Variants in TACR3 observed in about 807,000 individuals in gnomAD.
TACR3 encodes tachykinin receptor 3.
Under a neutral mutation model 35.0 loss-of-function variants are expected in TACR3, and 34 were observed. That is an observed-to-expected ratio of 0.97 (90% CI 0.74 to 1.30). TACR3 has a LOEUF of 1.30. TACR3 is among the 50% of genes most tolerant of loss of function. The pLI is 0.00. For synonymous variants in TACR3, 233 were observed against 221.1 expected, an observed-to-expected ratio of 1.05 and a Z score of -0.48; for missense variants, 558 against 591.7, an observed-to-expected ratio of 0.94 and a Z score of 0.59.
At chr4:103,608,985 A>C (rs1724450760) in intron 3 of TACR3, among the ~76,000 whole-genome samples, 1 of 152,132 alleles carries the variant, frequency 6.6e-6, no homozygotes, top group African/African-American at 2.4e-5. Context: ...GTCATTAGCT[A>C]AATAGATGAG....
intron 3 of TACR3, among the ~76,000 whole-genome samples, chr4:103,648,640 G>A (rs1725511203): frequency 6.6e-6 from 1 of 152,058 alleles, no homozygotes. Context: ...TGGCTGAAAA[G>A]TACTCCATTG....
At chr4:103,626,483 G>A (rs928036491) in intron 3 of TACR3, among the ~76,000 whole-genome samples, 5 of 152,128 alleles carry the variant, frequency 3.3e-5, no homozygotes, top group Admixed American at 6.5e-5. Context: ...CCAGCTAAGG[G>A]CCTGGGGCAG....
intron 3 of TACR3, among the ~76,000 whole-genome samples, chr4:103,610,951 C>G (rs539574386): frequency 6.6e-6 from 1 of 152,004 alleles, no homozygotes; most frequent in East Asian, 1.9e-4. Flanking sequence ...GGATTTATTT[C>G]TGGGTTCTCT....
At chr4:103,683,230 G>GA (rs144438772) in intron 1 of TACR3, among the ~76,000 whole-genome samples, 3,051 of 151,950 alleles carry the variant, frequency 0.02, 100 homozygotes, top group African/African-American at 0.071. Context: ...TAAATTTACA[G>GA]AATTAAATGC....
intron 3 of TACR3, among the ~76,000 whole-genome samples, chr4:103,596,383 C>G (rs970350130): frequency 9.3e-4 from 141 of 151,742 alleles, no homozygotes; most frequent in Non-Finnish European, 1.6e-3. Flanking sequence ...TAAAAGTGTT[C>G]CTATTTCTCC....
At chr4:103,608,686 A>G (rs1242834453) in intron 3 of TACR3, among the ~76,000 whole-genome samples, 1 of 152,152 alleles carries the variant, frequency 6.6e-6, no homozygotes, top group Non-Finnish European at 1.5e-5. Flanking sequence ...GAATAAGCCT[A>G]TAGGTCGCCA....
intron 2 of TACR3, among the ~76,000 whole-genome samples, chr4:103,656,633 C>G (rs114347035): frequency 6.6e-6 from 1 of 151,966 alleles, no homozygotes; most frequent in Non-Finnish European, 1.5e-5. Flanking sequence ...TGAGGAGGAA[C>G]GACTTTCCAC....
At chr4:103,682,961 C>A (rs1722134529) in intron 1 of TACR3, among the ~76,000 whole-genome samples, 1 of 152,022 alleles carries the variant, frequency 6.6e-6, no homozygotes, top group Admixed American at 6.6e-5. Flanking sequence ...ATTCAATCAC[C>A]GAAGTGACAT....
chr4:103,616,314 G>GTGT (rs997468185), intron 3 of TACR3, among the ~76,000 whole-genome samples: 6 of 151,910 alleles, frequency 3.9e-5, no homozygotes, highest in African/African-American at 1.5e-4. Context: ...GTGTGTGTGT[G>GTGT]TGTGTTTGTG....
At chr4:103,664,363 A>G (rs78356850) in intron 1 of TACR3, among the ~76,000 whole-genome samples, 3,321 of 152,194 alleles carry the variant, frequency 0.022, 125 homozygotes, top group African/African-American at 0.076. Flanking sequence ...TGTTATTTGT[A>G]TCTATTATAA....
intron 1 of TACR3, among the ~76,000 whole-genome samples, chr4:103,707,243 G>C (rs1391610609): frequency 2.0e-5 from 3 of 152,176 alleles, no homozygotes; most frequent in Admixed American, 2.0e-4. Flanking sequence ...TTTACAGAGA[G>C]TGTAAACAAT....
chr4:103,710,955 C>A (rs1722939244), intron 1 of TACR3, among the ~76,000 whole-genome samples: 1 of 152,086 alleles, frequency 6.6e-6, no homozygotes, highest in Admixed American at 6.5e-5. Flanking sequence ...GAAGCTGAAT[C>A]CCTGAATATA....
intron 3 of TACR3, among the ~76,000 whole-genome samples, chr4:103,609,365 T>C (rs751921658): frequency 2.0e-5 from 3 of 152,154 alleles, no homozygotes; most frequent in Non-Finnish European, 2.9e-5. Context: ...TCTTGCTGTC[T>C]TCCCTCAATA....
chr4:103,684,308 A>C (rs1479879810), intron 1 of TACR3, among the ~76,000 whole-genome samples: 1 of 152,286 alleles, frequency 6.6e-6, no homozygotes, highest in South Asian at 2.1e-4. Context: ...GTCTATGTAG[A>C]TGATCCCAAT....
chr4:103,602,965 TTGTC>T (rs1724246915), intron 3 of TACR3, among the ~76,000 whole-genome samples: 1 of 152,204 alleles, frequency 6.6e-6, no homozygotes, highest in Non-Finnish European at 1.5e-5. Context: ...GTCTTTTTGT[TTGTC>T]TGTGCCCTAC....
chr4:103,589,832 G>T lies in TACR3; in HGVS notation c.1248C>A (p.Asn416Lys), dbSNP rs377383963. Residue 416 changes from asparagine (N) to lysine (K), a missense_variant, in exon 5 of 5, where the codon AAC (asparagine) becomes AAA (lysine). Transcript: ENST00000304883. ...MESMTVVFDP[N>K]DADTTRSSRK... ...GACTGGACCTGGTGGTGTCTGCATC[G>T]TTGGGGTCAAACACGACTGTCATGG... 1 of 1,613,896 alleles carries T rather than the reference G, an allele frequency of 6.2e-7. No homozygotes were observed. The highest frequency in any genetic ancestry group is 8.5e-7 in the Non-Finnish European group (1 of 1,179,838).
intron 1 of TACR3, among the ~76,000 whole-genome samples, chr4:103,680,197 A>G (rs1726260720): frequency 6.6e-6 from 1 of 151,742 alleles, no homozygotes; most frequent in Admixed American, 6.6e-5. Context: ...TACATAAACA[A>G]TAAAAAAAGC....
intron 1 of TACR3, among the ~76,000 whole-genome samples, chr4:103,699,149 G>A (rs780941331): frequency 4.6e-5 from 7 of 152,128 alleles, no homozygotes; most frequent in Non-Finnish European, 1.0e-4. Context: ...AAGTATTACA[G>A]ATGGTCCAAT....
rs182395167 is a variant in TACR3 at position 103,640,392 on chromosome 4, A to C, written c.888+15802T>G. ...TTGTAATAAGAATCAAGAATAGAGAAAAAATGCACTTCCCTAATGATTAGT... is the reference window on the plus strand; with the variant it reads ...TTGTAATAAGAATCAAGAATAGAGACAAAATGCACTTCCCTAATGATTAGT... On this transcript the variant is annotated intron_variant, in intron 3 of 4. Transcript: ENST00000304883. Among the ~76,000 whole-genome samples, 13 of 151,982 alleles carry C rather than the reference A, an allele frequency of 8.6e-5. No homozygotes were observed. The East Asian group carries it at 2.5e-3, about 29-fold the overall frequency.
Sources: allele counts gnomAD v4.1 joint callset (sites outside exome capture counted in the v4.1 genomes callset), GRCh38; gene constraint gnomAD v4.1.1; transcripts MANE v1.5; gene names NCBI Gene and HGNC (gene_info 2026-07-23, HGNC 2026-07-21).